Variants in PRSS3 observed in about 807,000 individuals in gnomAD.
PRSS3 encodes trypsin-3.
Under a neutral mutation model 20.8 loss-of-function variants are expected in PRSS3, and 14 were observed. The observed-to-expected ratio is 0.67, with a 90% confidence interval of 0.44 to 1.05. The LOEUF is 1.05. PRSS3 is among the 50% of genes least tolerant of loss of function. The pLI, the probability that PRSS3 is intolerant of heterozygous loss-of-function variation, is 0.00. For missense variants in PRSS3, 237 were observed against 306.4 expected (o/e 0.77, Z 1.69); for synonymous variants, 91 against 117.6 (o/e 0.77, Z 1.46).
chr9:33,798,987 C>T (rs1311546750), intron 4 of PRSS3, 41 bp from the exon 5 acceptor site: 1 of 1,604,648 alleles, frequency 6.2e-7, no homozygotes, highest in East Asian at 2.2e-5. Context: ...TATTCCTCCT[C>T]CATCTCTCTC....
At position 33,779,867 on chromosome 9, in the gene PRSS3, TAAAAAAAA is replaced by T. The variant is rs35501160; in HGVS notation, c.-52-14857_-52-14850del. 1.9e-4 allele frequency among the ~76,000 whole-genome samples: 6 copies of T among 31,852 alleles called. No individual in the cohort carries two copies. The Admixed American group carries it at 2.4e-3, about 13-fold the overall frequency. 20.9% of individuals were successfully genotyped at this position (31,852 alleles called of 152,430 possible). ...CTGGGTGACAGAGCGAGACTCTGTCTAAAAAAAAAAAAAAAAAAAAAAAAAAAAACCTC... is the reference window on the plus strand; with the variant it reads ...CTGGGTGACAGAGCGAGACTCTGTCTAAAAAAAAAAAAAAAAAAAAACCTC... On this transcript the variant is annotated intron_variant, in intron 1 of 5. Coordinates refer to the PRSS3 transcript ENST00000342836.
intron 1 of PRSS3, among the ~76,000 whole-genome samples, chr9:33,755,496 C>T (rs1053673759): frequency 1.3e-5 from 2 of 152,198 alleles, no homozygotes; most frequent in African/African-American, 4.8e-5. Flanking sequence ...AGAAGGATGA[C>T]GGTTTGCTCC....
intron 1 of PRSS3, among the ~76,000 whole-genome samples, chr9:33,753,703 T>C (rs1587365259): frequency 6.6e-6 from 1 of 152,208 alleles, no homozygotes; most frequent in Non-Finnish European, 1.5e-5. Flanking sequence ...ACAGTGCCCA[T>C]AGCAGGCATA....
chr9:33,772,879 A>C (rs1642373160), intron 1 of PRSS3, among the ~76,000 whole-genome samples: 1 of 152,184 alleles, frequency 6.6e-6, no homozygotes, highest in Admixed American at 6.5e-5. Context: ...TGCCAAGCCT[A>C]GGCACTCGAG....
chr9:33,779,249 G>T lies in PRSS3; in HGVS notation c.-52-15497G>T, dbSNP rs114256085. On this transcript the variant is annotated intron_variant, in intron 1 of 5. Transcript: ENST00000342836. ...GGTTCTTAACCAGTCTGAAATAGCT[G>T]AAATGACAAACACAAAATTCAGAAT... is the stretch of plus-strand genomic sequence containing the variant. 2.9e-3 allele frequency among the ~76,000 whole-genome samples: 436 copies of T among 152,316 alleles called. 2 individuals are homozygous for T. The highest frequency in any genetic ancestry group is 9.6e-3 in the African/African-American group (398 of 41,568).
intron 1 of PRSS3, among the ~76,000 whole-genome samples, chr9:33,772,666 A>C (rs1214190648): frequency 6.6e-6 from 1 of 152,110 alleles, no homozygotes; most frequent in East Asian, 1.9e-4. Context: ...CCTCCAATTC[A>C]TTCTTTTTAA....
At chr9:33,798,393 T>C in intron 3 of PRSS3, 93 bp from the exon 4 acceptor site, 1 of 1,560,808 alleles carries the variant, frequency 6.4e-7, no homozygotes. Context: ...CCAGAGGCAG[T>C]GTTCCTCTTC....
At chr9:33,779,942 C>T (rs1235888358) in intron 1 of PRSS3, among the ~76,000 whole-genome samples, 1 of 142,754 alleles carries the variant, frequency 7.0e-6, no homozygotes, top group African/African-American at 2.6e-5. Context: ...ATCTATGACT[C>T]ATTGGCATTC....
At chr9:33,761,334 T>C (rs1165430825) in intron 1 of PRSS3, among the ~76,000 whole-genome samples, 1 of 152,236 alleles carries the variant, frequency 6.6e-6, no homozygotes, top group African/African-American at 2.4e-5. Flanking sequence ...TACAGCACGT[T>C]ACTGTACCAC....
chr9:33,774,055 T>TTTTTATTTAACATTTA lies in PRSS3; in HGVS notation c.-52-20680_-52-20665dup. ...TATTAGGAAACATTCCTTAAGTATTTTTTTATTTAACATTTATTTTATTTA... is the reference window on the plus strand; with the variant it reads ...TATTAGGAAACATTCCTTAAGTATTTTTTTATTTAACATTTATTTTATTTAACATTTATTTTATTTA... On this transcript the variant is annotated intron_variant, in intron 1 of 5. Coordinates refer to the PRSS3 transcript ENST00000342836. 2.0e-5 allele frequency among the ~76,000 whole-genome samples: 3 copies of TTTTTATTTAACATTTA among 152,354 alleles called. No individual in the cohort carries two copies. In the Middle Eastern group the frequency reaches 0.01, roughly 518 times the overall value.
intron 1 of PRSS3, among the ~76,000 whole-genome samples, chr9:33,783,822 G>A (rs577630613): frequency 6.6e-5 from 10 of 150,928 alleles, no homozygotes; most frequent in South Asian, 2.1e-4. Context: ...TCCAGGAGGC[G>A]GAGCTTGCAG....
intron 1 of PRSS3, among the ~76,000 whole-genome samples, chr9:33,757,054 C>A (rs1822982763): frequency 6.6e-6 from 1 of 152,180 alleles, no homozygotes; most frequent in Admixed American, 6.5e-5. Flanking sequence ...AGAAAGATCT[C>A]ATTTCTAGCC....
Position 33,750,860 on chromosome 9 carries a change from G to A in PRSS3, c.-53+133G>A, listed in dbSNP as rs1822658909. 1.4e-6 allele frequency: 2 copies of A among 1,382,768 alleles called. No homozygotes were observed. Among genetic ancestry groups the A allele is most frequent in the South Asian group, 1.7e-5 (1 of 59,614 alleles). 85.7% of individuals were successfully genotyped at this position (1,382,768 alleles called of 1,614,324 possible). The stretch of plus-strand genomic sequence containing the variant: ...TGGGACCTGCGGGGGAGGGTACGCG[G>A]ACAGGGAGGGGATACCGACTGGGAG... On this transcript the variant is annotated intron_variant, in intron 1 of 5. Transcript: ENST00000342836. This position sits in a 1 kb window ranked among gnomAD's most constrained non-coding sequence, Gnocchi z 4.8.
chr9:33,794,617 G>A (rs1824810451), upstream of PRSS3: 1 of 1,139,646 alleles, frequency 8.8e-7, no homozygotes, highest in South Asian at 1.8e-5. Flanking sequence ...ACCTACTGCT[G>A]ATTCTCAGAT....
intron 1 of PRSS3, among the ~76,000 whole-genome samples, chr9:33,755,613 C>T (rs1383873325): frequency 1.3e-5 from 2 of 152,074 alleles, no homozygotes; most frequent in Non-Finnish European, 2.9e-5. Context: ...GTATATTATT[C>T]CCAACTAAGG....
chr9:33,792,243 T>G (rs1454043381), upstream of PRSS3, among the ~76,000 whole-genome samples: 2 of 151,922 alleles, frequency 1.3e-5, no homozygotes, highest in African/African-American at 4.8e-5. Flanking sequence ...AATCTGACAA[T>G]CTGTTTGCAG....
intron 1 of PRSS3, among the ~76,000 whole-genome samples, chr9:33,783,604 A>G (rs1177591714): frequency 6.6e-6 from 1 of 152,208 alleles, no homozygotes; most frequent in Non-Finnish European, 1.5e-5. Flanking sequence ...AATAAAATGG[A>G]AAATAATGGC....
intron 1 of PRSS3, among the ~76,000 whole-genome samples, chr9:33,766,500 G>A (rs895398273): frequency 6.6e-6 from 1 of 152,140 alleles, no homozygotes; most frequent in Non-Finnish European, 1.5e-5. Context: ...GTGAACCGGG[G>A]AGGTGGAGCT....
At chr9:33,774,842 C>T (rs1823853171) in intron 1 of PRSS3, among the ~76,000 whole-genome samples, 1 of 151,702 alleles carries the variant, frequency 6.6e-6, no homozygotes, top group Non-Finnish European at 1.5e-5. Flanking sequence ...AAAAAAATTA[C>T]AGGCATGGTG....
Sources: allele counts gnomAD v4.1 joint callset (sites outside exome capture counted in the v4.1 genomes callset), GRCh38; gene constraint gnomAD v4.1.1; non-coding constraint Gnocchi (gnomAD v3.1); transcripts MANE v1.5; gene names NCBI Gene and HGNC (gene_info 2026-07-23, HGNC 2026-07-21).